Variants in GNPTG observed in about 807,000 individuals in gnomAD.
GNPTG encodes the protein N-acetylglucosamine-1-phosphotransferase subunit gamma.
In GNPTG, 46 loss-of-function variants were observed where a neutral mutation model predicts 43.8. The observed-to-expected ratio is 1.05, with a 90% CI of 0.83 to 1.34. The LOEUF (loss-of-function observed/expected upper bound fraction) is 1.34. Among genes scored for constraint, GNPTG ranks in the 40% most tolerant of loss-of-function variants. GNPTG has a pLI of 0.00. For missense variants in GNPTG, 549 were observed against 411.3 expected, an observed-to-expected ratio of 1.33 and a Z score of -2.90; for synonymous variants, 250 against 172.8, an observed-to-expected ratio of 1.45 and a Z score of -3.50.
rs756056220 is a variant in GNPTG at position 1,361,922 on chromosome 16, C to A, written c.284C>A (p.Thr95Asn). 3 of 1,613,634 alleles carry A rather than the reference C, an allele frequency of 1.9e-6. No individual in the cohort carries two copies. The South Asian group carries it at 3.3e-5, about 18-fold the overall frequency. Reference sequence around the variant, plus strand: ...CACAACGTGACCCAGCACGAGCAGACCTTCCGCTGGAACGCCTACAGTGGG... The same window carrying A: ...CACAACGTGACCCAGCACGAGCAGAACTTCCGCTGGAACGCCTACAGTGGG... ...PFHNVTQHEQ[T>N]FRWNAYSGIL... Residue 95 changes from threonine to asparagine, a missense_variant, in exon 5 of 11, where the codon ACC becomes AAC. By Grantham distance (65) the Thr-to-Asn change is moderately conservative. Coordinates refer to ENST00000204679, the MANE Select transcript of GNPTG (RefSeq NM_032520.5).
intron 3 of GNPTG, among the ~76,000 whole-genome samples, chr16:1,354,275 G>A (rs906481820): frequency 6.6e-6 from 1 of 152,082 alleles, no homozygotes; most frequent in African/African-American, 2.4e-5. Context: ...CTTTTTGGAG[G>A]TGAGAGTCCT....
At chr16:1,360,039 T>A (rs1596610484) in intron 3 of GNPTG, among the ~76,000 whole-genome samples, 1 of 151,748 alleles carries the variant, frequency 6.6e-6, no homozygotes, top group East Asian at 1.9e-4. Context: ...AACCCAGTGG[T>A]GGAGATTGTA....
chr16:1,359,325 A>AG (rs540788223), intron 3 of GNPTG, among the ~76,000 whole-genome samples: 113 of 151,066 alleles, frequency 7.5e-4, no homozygotes, highest in South Asian at 7.3e-3. Flanking sequence ...GGAGTGCAGT[A>AG]GCACGATCTT....
In GNPTG at chr16:1,352,023, T is replaced by G; in HGVS notation, c.52+6T>G. 2 of 1,482,540 alleles carry G rather than the reference T, an allele frequency of 1.3e-6. No homozygotes were observed. The highest frequency in any genetic ancestry group is 1.8e-6 in the Non-Finnish European group (2 of 1,122,032). The allele number at this position is 1,482,540 out of a possible 1,614,324, so 91.8% of individuals were successfully genotyped here. On this transcript the variant is annotated splice_donor_region_variant and intron_variant, in intron 1 of 10. Coordinates refer to ENST00000204679, the MANE Select transcript of GNPTG (RefSeq NM_032520.5). ...CCTCGGGCTCTCGGCCGGCGGTGAG[T>G]GGCCCGGCCGTCCGCGTCCCCAGGC...
In GNPTG at chr16:1,363,077, C is replaced by T. The variant is rs775991626; in HGVS notation, c.904C>T (p.Arg302Cys). 16 of 1,613,740 alleles carry T rather than the reference C, an allele frequency of 9.9e-6. No individual in the cohort carries two copies. The highest frequency in any genetic ancestry group is 1.7e-5 in the Admixed American group (1 of 59,990). The change falls in exon 11 of 11, where the codon CGT (arginine) becomes TGT (cysteine). Residue 302 changes from arginine to cysteine, a missense_variant. Arg to Cys is a radical substitution (Grantham distance 180). Coordinates refer to ENST00000204679, the MANE Select transcript of GNPTG (RefSeq NM_032520.5). ...PEQLRGDPGL[R>C]GSL ...GCAGCTGCGGGGTGACCCAGGACTG[C>T]GTGGGAGTTTGTGACCTTGTGGTGG...
chr16:1,363,135 C>CAGAGAA lies in GNPTG; in HGVS notation c.*45_*50dup. 6.4e-7 allele frequency: 1 copy of CAGAGAA among 1,574,724 alleles called. No individual in the cohort carries two copies. Among genetic ancestry groups the CAGAGAA allele is most frequent in the Non-Finnish European group, 8.7e-7 (1 of 1,151,194 alleles). ...GAGGTGGACGCGGCCGAGAGCCCTA[C>CAGAGAA]AGAGAAGCTGGCTGGTAGGACCCGC... is the stretch of plus-strand genomic sequence containing the variant. On this transcript the variant is annotated 3_prime_UTR_variant, in exon 11 of 11. Coordinates refer to ENST00000204679, the MANE Select transcript of GNPTG (RefSeq NM_032520.5).
In GNPTG at chr16:1,362,261, C is replaced by T; in HGVS notation, c.467C>T (p.Thr156Ile). The change falls in exon 7 of 11, where the codon ACC becomes ATC. Residue 156 changes from threonine to isoleucine, a missense_variant. Thr to Ile is a moderately conservative substitution (Grantham distance 89). Transcript: ENST00000204679. ...CTGGCCCATGTGTCCGAGCCGAGCA[C>T]CTGCGTCTACGCGCTGACGTTCGAG... is the stretch of plus-strand genomic sequence containing the variant. ...NRLAHVSEPS[T>I]CVYALTFETP... is the part of the protein sequence containing the mutation. 2 of 1,613,536 alleles carry T rather than the reference C, an allele frequency of 1.2e-6. No individual in the cohort carries two copies. Among genetic ancestry groups the T allele is most frequent in the Non-Finnish European group, 8.5e-7 (1 of 1,179,966 alleles).
chr16:1,361,373 G>A (rs535969501), intron 3 of GNPTG: 259 of 288,632 alleles, frequency 9.0e-4, no homozygotes, highest in Non-Finnish European at 1.5e-3. Flanking sequence ...GGCCGGGCGC[G>A]GTGGCTCAAA....
rs1026420715 is a variant in GNPTG, at chr16:1,363,446, G to A, written c.*355G>A. On this transcript the variant is annotated 3_prime_UTR_variant, in exon 11 of 11. Transcript: ENST00000204679. ...TTCCAGAAATTAATCCACTTGAGGC[G>A]TCCACGCGGAACAAGGTCTGCTGAC... is the stretch of plus-strand genomic sequence containing the variant. 4.3e-5 allele frequency: 15 copies of A among 346,006 alleles called. No homozygotes were observed. The highest frequency in any genetic ancestry group is 1.5e-4 in the East Asian group (2 of 13,104). 21.4% of individuals were successfully genotyped at this position (346,006 alleles called of 1,614,324 possible).
chr16:1,356,802 T>A (rs2034784014), intron 3 of GNPTG, among the ~76,000 whole-genome samples: 1 of 151,968 alleles, frequency 6.6e-6, no homozygotes, highest in Non-Finnish European at 1.5e-5. Context: ...GGGGCAAGCC[T>A]GGGAACGTGA....
Position 1,351,964 on chromosome 16 carries a change from C to A in GNPTG, c.-2C>A, listed in dbSNP as rs1462729920. 3 of 1,299,446 alleles carry A rather than the reference C, an allele frequency of 2.3e-6. No homozygotes were observed. The highest frequency in any genetic ancestry group is 2.4e-5 in the South Asian group (1 of 41,376). The allele number at this position is 1,299,446 out of a possible 1,614,324, so 80.5% of individuals were successfully genotyped here. A position where few individuals can be genotyped will look rare whatever the true frequency, so the allele number is the denominator to read the frequency against. On this transcript the variant is annotated 5_prime_UTR_variant, in exon 1 of 11. Coordinates refer to ENST00000204679, the MANE Select transcript of GNPTG (RefSeq NM_032520.5). ...TGACCGCGCGGCGGCCGCTGCGGCG[C>A]GATGGCGGCGGGGCTGGCGCGGCTC...
chr16:1,364,025 G>C lies in GNPTG; in HGVS notation c.*934G>C, dbSNP rs921156897. On this transcript the variant is annotated 3_prime_UTR_variant, in exon 11 of 11. Transcript: ENST00000204679. ...ACCACTGACAACCGGGAGATGTCTCGGCAGACACCACTTATCCCAGAAAAG... is the reference window on the plus strand; with the variant it reads ...ACCACTGACAACCGGGAGATGTCTCCGCAGACACCACTTATCCCAGAAAAG... 6.6e-6 allele frequency: 1 copy of C among 152,148 alleles called. No homozygotes were observed. Among genetic ancestry groups the C allele is most frequent in the South Asian group, 2.1e-4 (1 of 4,830 alleles). The allele number at this position is 152,148 out of a possible 1,614,324, so 9.4% of individuals were successfully genotyped here.
chr16:1,361,733 T>G lies in GNPTG; in HGVS notation c.179-10T>G. The G allele has an allele frequency of 6.2e-7, 1 of 1,613,884 alleles. No individual in the cohort carries two copies. The highest frequency in any genetic ancestry group is 8.5e-7 in the Non-Finnish European group (1 of 1,179,962). ...TTGGACCCTGGGGATCAGTGTGAGG[T>G]CTCTTCCAGGACCCGTGCATCTCTT... is the stretch of plus-strand genomic sequence containing the variant. On this transcript the variant is annotated splice_polypyrimidine_tract_variant and intron_variant, in intron 3 of 10. Coordinates refer to ENST00000204679, the MANE Select transcript of GNPTG (RefSeq NM_032520.5).
At chr16:1,352,751 G>T in intron 3 of GNPTG, among the ~76,000 whole-genome samples, 1 of 152,064 alleles carries the variant, frequency 6.6e-6, no homozygotes, top group Admixed American at 6.6e-5. Flanking sequence ...GCACGCGATA[G>T]GATGGCACTG....
At position 1,361,943 on chromosome 16, in the gene GNPTG, G is replaced by GT; in HGVS notation, c.306dup (p.Gly103TrpfsTer25). On this transcript the variant is annotated frameshift_variant, in exon 5 of 11. Coordinates refer to ENST00000204679, the MANE Select transcript of GNPTG (RefSeq NM_032520.5). LOFTEE classifies it high-confidence loss of function. ...CAGACCTTCCGCTGGAACGCCTACA[G>GT]TGGGATCCTCGGGTGAGTGGGGCCG... is the stretch of plus-strand genomic sequence containing the variant. The GT allele has an allele frequency of 1.9e-6, 3 of 1,613,582 alleles. No homozygotes were observed. The highest frequency in any genetic ancestry group is 2.5e-6 in the Non-Finnish European group (3 of 1,180,048).
Position 1,352,087 on chromosome 16 carries a change from T to A in GNPTG, c.53-15T>A. 6.4e-7 allele frequency: 1 copy of A among 1,557,848 alleles called. No individual in the cohort carries two copies. The highest frequency in any genetic ancestry group is 8.7e-7 in the Non-Finnish European group (1 of 1,152,838). ...TGCACCCCGGCCTCCCCGCTCACGG[T>A]CTCGCTCCCCGTAGGGCCCGCGCCG... On this transcript the variant is annotated splice_polypyrimidine_tract_variant and intron_variant, in intron 1 of 10. Coordinates refer to ENST00000204679, the MANE Select transcript of GNPTG (RefSeq NM_032520.5).
chr16:1,363,046 T>C lies in GNPTG; in HGVS notation c.873T>C (p.Ser291=). 6.2e-7 allele frequency: 1 copy of C among 1,613,950 alleles called. No individual in the cohort carries two copies. Among genetic ancestry groups the C allele is most frequent in the Non-Finnish European group, 8.5e-7 (1 of 1,180,020 alleles). The change falls in exon 11 of 11, where the codon TCT becomes TCC. Residue 291 remains serine (S), a synonymous_variant. Transcript: ENST00000204679. The part of the protein sequence containing the change: ...HLGHETPRAK[S]PEQLRGDPGL... ...GCCACGAGACGCCCAGAGCCAAGTC[T>C]CCAGAGCAGCTGCGGGGTGACCCAG... is the stretch of plus-strand genomic sequence containing the variant.
At chr16:1,355,561 T>C (rs1323097900) in intron 3 of GNPTG, among the ~76,000 whole-genome samples, 3 of 151,208 alleles carry the variant, frequency 2.0e-5, no homozygotes, top group African/African-American at 7.3e-5. Context: ...GGAGCAGAGG[T>C]TGGTAGGTCT....
At chr16:1,353,157 G>C (rs2034714634) in intron 3 of GNPTG, among the ~76,000 whole-genome samples, 3 of 152,044 alleles carry the variant, frequency 2.0e-5, no homozygotes, top group Admixed American at 1.3e-4. Context: ...ATTTTTAGTA[G>C]AGATAGGGTT....
Sources: gnomAD v4.1 joint callset for allele counts (sites outside exome capture counted in the v4.1 genomes callset) on GRCh38, gnomAD v4.1.1 for gene constraint, MANE v1.5 for transcripts, NCBI Gene and HGNC (gene_info 2026-07-23, HGNC 2026-07-21) for gene names.